The following GSR variants were observed in gnomAD, a reference collection of about 807,000 sequenced individuals.
GSR encodes the protein glutathione-disulfide reductase.
GSR carries 48 observed loss-of-function variants against 56.5 expected under a neutral mutation model. The ratio of observed to expected loss-of-function variants is 0.85; its 90% CI spans 0.67 to 1.08. GSR has a LOEUF of 1.08. GSR is among the 50% of genes least tolerant of loss of function. GSR has a pLI of 0.00. For missense variants in GSR, 694 were observed against 703.3 expected (o/e 0.99, Z 0.15); for synonymous variants, 264 against 270.8 (o/e 0.97, Z 0.25).
chr8:30,682,416 C>T (rs566420112), intron 10 of GSR, among the ~76,000 whole-genome samples: 1 of 152,318 alleles, frequency 6.6e-6, no homozygotes, highest in Non-Finnish European at 1.5e-5. Flanking sequence ...CAAAAGTATG[C>T]CTCATGCACA....
At position 30,727,783 on chromosome 8, in the gene GSR, C is replaced by T. The variant is rs1404158181; in HGVS notation, c.53G>A (p.Arg18Gln). The change falls in exon 1 of 13, where the codon CGG becomes CAG. Residue 18 changes from arginine to glutamine, a missense_variant. Arg to Gln is a conservative substitution (Grantham distance 43, BLOSUM62 1). Transcript: ENST00000221130. ...LSAGAGPSWR[R>Q]AARAFRGFLL... Reference sequence around the variant, plus strand: ...GAAGCCTCGGAAGGCGCGCGCCGCCCGCCGCCAGCTCGGTCCCGCGCCGGC... The same window carrying T: ...GAAGCCTCGGAAGGCGCGCGCCGCCTGCCGCCAGCTCGGTCCCGCGCCGGC... 1.5e-6 allele frequency: 2 copies of T among 1,354,398 alleles called. No individual in the cohort carries two copies. The highest frequency in any genetic ancestry group is 9.5e-7 in the Non-Finnish European group (1 of 1,052,778). 83.9% of individuals were successfully genotyped at this position (1,354,398 alleles called of 1,614,324 possible).
intron 4 of GSR, among the ~76,000 whole-genome samples, chr8:30,703,898 T>C (rs1803834393): frequency 6.6e-6 from 1 of 151,178 alleles, no homozygotes; most frequent in Admixed American, 6.6e-5. Context: ...GAAGAAGAAA[T>C]AAAAGTGCTA....
chr8:30,681,555 G>A (rs552832300), intron 11 of GSR, among the ~76,000 whole-genome samples: 5 of 151,824 alleles, frequency 3.3e-5, no homozygotes, highest in Non-Finnish European at 5.9e-5. Flanking sequence ...AATGATACTC[G>A]GTTTATGTAA....
Position 30,679,506 on chromosome 8 carries a change from G to A in GSR, c.*14C>T, listed in dbSNP as rs746333168. ...CTATGGGTCCCACTGCCCGCCACACGTGTCTCCTGGTTCTCAACGAAGTGT... is the reference window on the plus strand; with the variant it reads ...CTATGGGTCCCACTGCCCGCCACACATGTCTCCTGGTTCTCAACGAAGTGT... On this transcript the variant is annotated 3_prime_UTR_variant, in exon 13 of 13. Transcript: ENST00000221130. The A allele has an allele frequency of 5.0e-6, 8 of 1,612,666 alleles. No individual in the cohort carries two copies. Among genetic ancestry groups the A allele is most frequent in the South Asian group, 1.1e-5 (1 of 91,048 alleles).
At chr8:30,685,609 G>A (rs1381829499) in intron 9 of GSR, among the ~76,000 whole-genome samples, 2 of 151,996 alleles carry the variant, frequency 1.3e-5, no homozygotes, top group Non-Finnish European at 2.9e-5. Context: ...TTATCATGTG[G>A]CTTTGCAAAT....
chr8:30,692,861 G>A, intron 8 of GSR, 108 bp downstream of exon 8: 1 of 769,036 alleles, frequency 1.3e-6, no homozygotes, highest in Non-Finnish European at 2.3e-6. Flanking sequence ...TGGAATATAT[G>A]GACCGGGGTA....
At chr8:30,680,788 G>C in intron 12 of GSR, 116 bp downstream of exon 12, 1 of 893,434 alleles carries the variant, frequency 1.1e-6, no homozygotes, top group Non-Finnish European at 1.9e-6. Flanking sequence ...AAGTGGGCCT[G>C]TCCAGTTGAA....
intron 6 of GSR, among the ~76,000 whole-genome samples, chr8:30,699,428 G>C (rs1422703563): frequency 6.6e-6 from 1 of 151,866 alleles, no homozygotes; most frequent in Non-Finnish European, 1.5e-5. Context: ...GACCAACATG[G>C]AGAAAACCCA....
At chr8:30,696,025 G>A in intron 7 of GSR, among the ~76,000 whole-genome samples, 1 of 152,042 alleles carries the variant, frequency 6.6e-6, no homozygotes, top group East Asian at 1.9e-4. Context: ...GGACAAAAGA[G>A]TGAGACTCTG....
intron 12 of GSR, among the ~76,000 whole-genome samples, chr8:30,680,434 T>A (rs1802911070): frequency 7.2e-6 from 1 of 138,914 alleles, no homozygotes; most frequent in African/African-American, 2.7e-5. Context: ...TCGCTTTGTC[T>A]CCCAGGCTGG....
At chr8:30,718,205 T>C (rs1013062156) in intron 1 of GSR, among the ~76,000 whole-genome samples, 20 of 152,080 alleles carry the variant, frequency 1.3e-4, no homozygotes, top group South Asian at 4.1e-4. Flanking sequence ...CGTGGAAAAA[T>C]TGTCTTCCAC....
Position 30,719,087 on chromosome 8 carries a change from G to A in GSR, c.307-6999C>T, listed in dbSNP as rs376776851. On this transcript the variant is annotated intron_variant, in intron 1 of 12. Coordinates refer to ENST00000221130, the MANE Select transcript of GSR (RefSeq NM_000637.5). ...TGGGATTACAGGTGCCCGCCACCAC[G>A]CCCAGCTAATTTTTAAATTTTTTTT... Among the ~76,000 whole-genome samples the A allele has an allele frequency of 8.7e-4, 123 of 141,616 alleles. 1 individual carries two copies. In the South Asian group the frequency reaches 0.011, roughly 13 times the overall value. 92.9% of individuals were successfully genotyped at this position (141,616 alleles called of 152,430 possible).
At position 30,680,381 on chromosome 8, in the gene GSR, G is replaced by GTTTTGTTTTTTTT. The variant is rs1480095900; in HGVS notation, c.1419+522_1419+523insAAAAAAAACAAAA. On this transcript the variant is annotated intron_variant, in intron 12 of 12. Coordinates refer to ENST00000221130, the MANE Select transcript of GSR (RefSeq NM_000637.5). ...ACAGCGCCTGGCCCTGGCCTCTCCT[G>GTTTTGTTTTTTTT]TTTTTTTTTTTTTTTTTTTTTTTTT... Among the ~76,000 whole-genome samples, 3 of 33,378 alleles carry GTTTTGTTTTTTTT rather than the reference G, an allele frequency of 9.0e-5. 1 individual carries two copies. 21.9% of individuals were successfully genotyped at this position (33,378 alleles called of 152,430 possible).
intron 1 of GSR, among the ~76,000 whole-genome samples, chr8:30,717,561 C>T (rs1428449953): frequency 6.6e-6 from 1 of 152,094 alleles, no homozygotes; most frequent in African/African-American, 2.4e-5. Flanking sequence ...AGATCAGTGG[C>T]GGCATTAGAT....
At chr8:30,682,400 C>T (rs529521848) in intron 10 of GSR, among the ~76,000 whole-genome samples, 4 of 152,244 alleles carry the variant, frequency 2.6e-5, no homozygotes, top group East Asian at 1.9e-4. Context: ...CAGTCAAAAA[C>T]GCAGACAAAA....
At chr8:30,710,768 A>T (rs1318983) in intron 2 of GSR, among the ~76,000 whole-genome samples, 104,810 of 129,968 alleles carry the variant, frequency 0.81, 43,715 homozygotes, top group East Asian at 0.92. Flanking sequence ...AAGAAAAAAA[A>T]ATATATAAAT....
intron 2 of GSR, among the ~76,000 whole-genome samples, chr8:30,710,714 CAAAAAAAAAAAAAAA>C (rs60532553): frequency 3.9e-5 from 2 of 51,036 alleles, no homozygotes; most frequent in African/African-American, 6.6e-5. Flanking sequence ...GACTCTGTCT[CAAAAAAAAAAAAAAA>C]AAAAAAAAAA....
intron 4 of GSR, among the ~76,000 whole-genome samples, chr8:30,703,651 G>T (rs1320347821): frequency 2.7e-4 from 41 of 151,932 alleles, no homozygotes; most frequent in Non-Finnish European, 1.5e-5. Context: ...AGGGGCTGAG[G>T]CAGGAGGATT....
chr8:30,692,998 C>T lies in GSR; in HGVS notation c.853G>A (p.Ala285Thr), dbSNP rs751652213. The change falls in exon 8 of 13, where the codon GCT becomes ACT. Residue 285 changes from alanine (A) to threonine (T), a missense_variant. Coordinates refer to ENST00000221130, the MANE Select transcript of GSR (RefSeq NM_000637.5). ...GAGAACTTCAGCACCTCCACGCCAG[C>T]GTTCTCCAGCTCCTCCGTGCAGTTG... ...STNCTEELEN[A>T]GVEVLKFSQV... 58 of 1,612,184 alleles carry T rather than the reference C, an allele frequency of 3.6e-5. No homozygotes were observed. Among genetic ancestry groups the T allele is most frequent in the Non-Finnish European group, 4.7e-5 (55 of 1,178,826 alleles).
Sources: allele counts gnomAD v4.1 joint callset (sites outside exome capture counted in the v4.1 genomes callset), GRCh38; gene constraint gnomAD v4.1.1; transcripts MANE v1.5; gene names NCBI Gene and HGNC (gene_info 2026-07-23, HGNC 2026-07-21).